MYO18B: variants seen among roughly 807,000 people sequenced by gnomAD.
MYO18B encodes the protein myosin XVIIIB.
MYO18B carries 204 observed loss-of-function variants against 273.0 expected under a neutral mutation model. The observed-to-expected ratio is 0.75, with a 90% confidence interval of 0.67 to 0.84. The LOEUF (loss-of-function observed/expected upper bound fraction) is 0.84. MYO18B is among the 40% of genes least tolerant of loss of function. The probability of loss-of-function intolerance (pLI) is 0.00; values close to 1 mark genes in which losing one functional copy is unlikely to be tolerated. For synonymous variants in MYO18B, 1,330 were observed against 1,305.7 expected (o/e 1.02, Z -0.40); for missense variants, 3,212 against 3,287.6 (o/e 0.98, Z 0.56).
chr22:25,879,492 G>A (rs1333547667), intron 25 of MYO18B, among the ~76,000 whole-genome samples: 1 of 152,124 alleles, frequency 6.6e-6, no homozygotes, highest in African/African-American at 2.4e-5. Flanking sequence ...CATGTGACTG[G>A]AGAAGGTTAT....
intron 28 of MYO18B, 146 bp from the exon 29 acceptor site, chr22:25,898,161 G>A: frequency 1.2e-6 from 1 of 827,384 alleles, no homozygotes; most frequent in South Asian, 2.1e-5. Flanking sequence ...TGACCCTGGA[G>A]GAAGGTAGTC....
chr22:25,876,183 C>T lies in MYO18B; in HGVS notation c.4081-6C>T, dbSNP rs1439570643. 1 of 1,609,940 alleles carries T rather than the reference C, an allele frequency of 6.2e-7. No individual in the cohort carries two copies. Among genetic ancestry groups the T allele is most frequent in the African/African-American group, 1.3e-5 (1 of 74,826 alleles). On this transcript the variant is annotated splice_polypyrimidine_tract_variant and splice_region_variant and intron_variant, in intron 23 of 43. Transcript: ENST00000335473. The stretch of plus-strand genomic sequence containing the variant: ...ACCCTCCAGTCTGTGTTCTCCTTCC[C>T]TGCAGATTCGCCGACTGGCTGCACA...
chr22:25,943,669 T>G (rs1027190827), intron 34 of MYO18B, among the ~76,000 whole-genome samples: 15 of 151,576 alleles, frequency 9.9e-5, no homozygotes, highest in African/African-American at 3.6e-4. Flanking sequence ...CCCAGTGCGC[T>G]CTGCACATGG....
intron 22 of MYO18B, among the ~76,000 whole-genome samples, chr22:25,872,791 CAGTA>C (rs969004323): frequency 3.9e-5 from 6 of 152,110 alleles, no homozygotes; most frequent in Non-Finnish European, 8.8e-5. Flanking sequence ...TTCCAAAACA[CAGTA>C]AGTGCCCCCT....
intron 39 of MYO18B, among the ~76,000 whole-genome samples, chr22:25,963,031 T>G (rs531522065): frequency 5.3e-5 from 8 of 152,222 alleles, no homozygotes; most frequent in African/African-American, 1.7e-4. Flanking sequence ...TCCTCCCTCT[T>G]CAACCTGTTT....
intron 39 of MYO18B, among the ~76,000 whole-genome samples, chr22:25,957,227 A>C (rs979247303): frequency 1.3e-5 from 2 of 151,832 alleles, no homozygotes. Flanking sequence ...TCAAATAGTG[A>C]TTTTCTTCCT....
At chr22:25,763,431 C>T (rs1257038452) in intron 3 of MYO18B, 42 bp downstream of exon 3, 2 of 1,579,688 alleles carry the variant, frequency 1.3e-6, no homozygotes, top group Admixed American at 2.0e-5. Flanking sequence ...CGTTTCCATA[C>T]CCATCATTCT....
At chr22:25,956,878 G>A (rs1419817995) in intron 39 of MYO18B, among the ~76,000 whole-genome samples, 1 of 152,142 alleles carries the variant, frequency 6.6e-6, no homozygotes, top group Non-Finnish European at 1.5e-5. Context: ...TATGTCTCGG[G>A]CTACTGTCTT....
intron 1 of MYO18B, among the ~76,000 whole-genome samples, chr22:25,753,241 G>C (rs1010642703): frequency 4.6e-5 from 7 of 152,222 alleles, no homozygotes; most frequent in South Asian, 2.1e-4. Flanking sequence ...GCGGGTGTGG[G>C]GGGGGCGGGG....
At chr22:25,751,756 GGGGAGTTTA>G (rs2085936089) in intron 1 of MYO18B, among the ~76,000 whole-genome samples, 1 of 152,208 alleles carries the variant, frequency 6.6e-6, no homozygotes, top group African/African-American at 2.4e-5. Flanking sequence ...AAGGGTCATG[GGGGAGTTTA>G]GGAGTAAGGA....
intron 39 of MYO18B, among the ~76,000 whole-genome samples, chr22:25,978,258 A>G (rs2093114465): frequency 6.6e-6 from 1 of 152,210 alleles, no homozygotes. Context: ...AGAGCACATC[A>G]TACAGGAGGT....
At chr22:25,914,684 C>CTTTT (rs1218894720) in intron 33 of MYO18B, among the ~76,000 whole-genome samples, 4 of 37,798 alleles carry the variant, frequency 1.1e-4, no homozygotes, top group South Asian at 9.4e-4. Context: ...ATAGTTTTGA[C>CTTTT]TCTTTTTTTT....
At chr22:25,852,356 C>A (rs1601353994) in intron 21 of MYO18B, among the ~76,000 whole-genome samples, 1 of 152,162 alleles carries the variant, frequency 6.6e-6, no homozygotes, top group East Asian at 1.9e-4. Flanking sequence ...TCTGTGTTTT[C>A]TGGCTTACAG....
At chr22:25,919,684 G>GTGTA (rs2092314063) in intron 33 of MYO18B, among the ~76,000 whole-genome samples, 1 of 150,192 alleles carries the variant, frequency 6.7e-6, no homozygotes, top group South Asian at 2.1e-4. Flanking sequence ...GTGTATGTGT[G>GTGTA]TGTGTGTGTG....
At chr22:25,770,046 T>G in intron 4 of MYO18B, 64 bp from the exon 5 acceptor site, 1 of 1,540,384 alleles carries the variant, frequency 6.5e-7, no homozygotes, top group Non-Finnish European at 9.0e-7. Context: ...GAAACCCCCG[T>G]GTAAGGTAGA....
intron 31 of MYO18B, among the ~76,000 whole-genome samples, chr22:25,905,073 C>T (rs2146355620): frequency 6.6e-6 from 1 of 151,870 alleles, no homozygotes; most frequent in East Asian, 1.9e-4. Flanking sequence ...ATGCTGAGGC[C>T]ACCGTTATGC....
At chr22:25,910,050 A>T (rs919401179) in intron 32 of MYO18B, among the ~76,000 whole-genome samples, 4 of 152,168 alleles carry the variant, frequency 2.6e-5, no homozygotes. Flanking sequence ...CAGCCACAGT[A>T]GGGTGTTTGC....
chr22:26,027,760 T>A lies in MYO18B; in HGVS notation c.*12+70T>A, dbSNP rs1369659711. On this transcript the variant is annotated intron_variant, in intron 43 of 43. Transcript: ENST00000335473. This position sits in a 1 kb window ranked among gnomAD's most constrained non-coding sequence, Gnocchi z 4.1. ...ACCTTGCAGCCTTGGGGAGAGCAGG[T>A]GCCACTACTGTCCTTAATGCCACAA... 7.0e-7 allele frequency: 1 copy of A among 1,437,610 alleles called. No homozygotes were observed. Among genetic ancestry groups the A allele is most frequent in the African/African-American group, 1.4e-5 (1 of 69,806 alleles). The allele number at this position is 1,437,610 out of a possible 1,614,324, so 89.1% of individuals were successfully genotyped here.
At chr22:25,816,683 C>T (rs2089026631) in intron 12 of MYO18B, among the ~76,000 whole-genome samples, 1 of 152,196 alleles carries the variant, frequency 6.6e-6, no homozygotes, top group Non-Finnish European at 1.5e-5. Context: ...TTCTGTTCGT[C>T]ATTCCCATTT....
Sources: allele counts gnomAD v4.1 joint callset (sites outside exome capture counted in the v4.1 genomes callset), GRCh38; gene constraint gnomAD v4.1.1; non-coding constraint Gnocchi (gnomAD v3.1); transcripts MANE v1.5; gene names NCBI Gene and HGNC (gene_info 2026-07-23, HGNC 2026-07-21).